COBL: variants seen among roughly 807,000 people sequenced by gnomAD.
COBL encodes the protein protein cordon-bleu.
Under a neutral mutation model 98.8 loss-of-function variants are expected in COBL, and 51 were observed. The observed-to-expected ratio is 0.52, with a 90% confidence interval of 0.41 to 0.65. The LOEUF (loss-of-function observed/expected upper bound fraction) is 0.65, where lower values mean the gene tolerates loss of function less well. Ranked by LOEUF, COBL falls within the 30% of genes least tolerant of loss-of-function variation. The pLI, the probability that COBL is intolerant of heterozygous loss-of-function variation, is 0.00. For missense variants in COBL, 1,617 were observed against 1,617.5 expected, an observed-to-expected ratio of 1.00 and a Z score of 0.01; for synonymous variants, 634 against 651.7, an observed-to-expected ratio of 0.97 and a Z score of 0.41.
intron 1 of COBL, among the ~76,000 whole-genome samples, chr7:51,220,564 T>A (rs759877061): frequency 1.7e-4 from 26 of 152,214 alleles, no homozygotes; most frequent in Non-Finnish European, 3.4e-4. Flanking sequence ...TGTTTTCACC[T>A]TATTTCAGAC....
At chr7:51,155,679 C>T (rs761483562) in intron 5 of COBL, among the ~76,000 whole-genome samples, 1 of 147,644 alleles carries the variant, frequency 6.8e-6, no homozygotes, top group African/African-American at 2.5e-5. Context: ...ACTCCCCTAA[C>T]CATAAATGAA....
intron 5 of COBL, among the ~76,000 whole-genome samples, chr7:51,167,122 G>A (rs1303021258): frequency 6.6e-6 from 1 of 152,062 alleles, no homozygotes; most frequent in Non-Finnish European, 1.5e-5. Flanking sequence ...ACAAGAGAAA[G>A]ATATAAAGGG....
chr7:51,206,222 T>A (rs982611641), intron 2 of COBL, among the ~76,000 whole-genome samples: 2 of 152,152 alleles, frequency 1.3e-5, no homozygotes, highest in Admixed American at 6.5e-5. Context: ...CCAGGCACGG[T>A]GGTTCACACC....
intron 2 of COBL, among the ~76,000 whole-genome samples, chr7:51,203,950 C>T (rs190304958): frequency 4.1e-4 from 63 of 152,226 alleles, no homozygotes; most frequent in Admixed American, 9.8e-4. Flanking sequence ...ATATCCCTGA[C>T]GAACATGGAT....
intron 1 of COBL, among the ~76,000 whole-genome samples, chr7:51,263,772 C>A (rs1246417347): frequency 2.0e-5 from 3 of 152,190 alleles, no homozygotes; most frequent in Non-Finnish European, 2.9e-5. Context: ...GATTGTGCTG[C>A]TGATAATGAC....
chr7:51,281,093 T>C (rs1799781063), intron 1 of COBL, among the ~76,000 whole-genome samples: 1 of 152,152 alleles, frequency 6.6e-6, no homozygotes, highest in South Asian at 2.1e-4. Flanking sequence ...AATGAAAACT[T>C]AGTAAGTCTT....
At chr7:51,187,729 C>CCAGGG (rs1428975733) in intron 4 of COBL, among the ~76,000 whole-genome samples, 1 of 152,180 alleles carries the variant, frequency 6.6e-6, no homozygotes, top group African/African-American at 2.4e-5. Context: ...TCTGAACCAA[C>CCAGGG]CAGGGAATCA....
At chr7:51,188,899 T>C (rs1403876163) in intron 4 of COBL, among the ~76,000 whole-genome samples, 2 of 152,216 alleles carry the variant, frequency 1.3e-5, no homozygotes, top group Non-Finnish European at 2.9e-5. Context: ...TCAAGATACA[T>C]CCAAGTGGTA....
chr7:51,141,793 G>T (rs1799775964), intron 5 of COBL, among the ~76,000 whole-genome samples: 1 of 152,174 alleles, frequency 6.6e-6, no homozygotes, highest in Non-Finnish European at 1.5e-5. Flanking sequence ...ACTCCCTGGG[G>T]TCTGTTGGGC....
chr7:51,075,095 G>C (rs77670645), intron 7 of COBL, among the ~76,000 whole-genome samples: 6 of 152,120 alleles, frequency 3.9e-5, no homozygotes, highest in Non-Finnish European at 1.5e-5. Flanking sequence ...TTACTCATTT[G>C]TCAATCCCAT....
chr7:51,242,786 T>C (rs1242497708), intron 1 of COBL, among the ~76,000 whole-genome samples: 3 of 152,188 alleles, frequency 2.0e-5, no homozygotes, highest in African/African-American at 7.2e-5. Context: ...ACCCGACTCC[T>C]GGGTAGAAGA....
chr7:51,140,518 C>T (rs1799638638), intron 5 of COBL, among the ~76,000 whole-genome samples: 1 of 152,230 alleles, frequency 6.6e-6, no homozygotes, highest in Non-Finnish European at 1.5e-5. Flanking sequence ...TTTACACACA[C>T]ACAAACATTT....
intron 4 of COBL, among the ~76,000 whole-genome samples, 188 bp downstream of exon 4, chr7:51,190,662 C>T (rs1207791813): frequency 6.6e-6 from 1 of 152,184 alleles, no homozygotes; most frequent in East Asian, 1.9e-4. Context: ...GGAGGCACAG[C>T]TCAATCCAGA....
intron 1 of COBL, among the ~76,000 whole-genome samples, chr7:51,311,359 C>T (rs1803019820): frequency 6.6e-6 from 1 of 152,194 alleles, no homozygotes; most frequent in African/African-American, 2.4e-5. Context: ...GGCTCAGAAG[C>T]ACAGGGATGG....
In COBL at chr7:51,028,673, T is replaced by G; in HGVS notation, c.2423A>C (p.Gln808Pro). ...GGGCGATATTGGCTTGGGGTCTGCT[T>G]GGAGTCTGCTCTCTGGATTCTGCGT... ...TQTQNPESRLQADPKPISPQQ... is the reference protein window; with the variant it reads ...TQTQNPESRLPADPKPISPQQ... The change falls in exon 10 of 13, where the codon CAA (glutamine) becomes CCA (proline). Residue 808 changes from glutamine to proline, a missense_variant. Gln to Pro is a moderately conservative substitution (Grantham distance 76). Transcript: ENST00000265136. 6.2e-7 allele frequency: 1 copy of G among 1,612,954 alleles called. No individual in the cohort carries two copies. The highest frequency in any genetic ancestry group is 1.3e-5 in the African/African-American group (1 of 75,000).
chr7:51,295,209 C>T (rs1563137895), intron 1 of COBL, among the ~76,000 whole-genome samples: 2 of 150,390 alleles, frequency 1.3e-5, no homozygotes, highest in African/African-American at 2.5e-5. Flanking sequence ...TCGCTTGAAC[C>T]GGGGAGGCAG....
intron 6 of COBL, among the ~76,000 whole-genome samples, chr7:51,126,822 CA>C (rs1482451869): frequency 6.6e-6 from 1 of 152,192 alleles, no homozygotes; most frequent in Non-Finnish European, 1.5e-5. Context: ...TGTAGCAGAA[CA>C]TCATCCAAGT....
intron 6 of COBL, among the ~76,000 whole-genome samples, chr7:51,107,806 C>T (rs990345501): frequency 2.0e-5 from 3 of 152,150 alleles, no homozygotes; most frequent in Non-Finnish European, 4.4e-5. Context: ...GATGCCAAAG[C>T]AGCAGGGAAT....
At chr7:51,041,364 G>A (rs565022943) in intron 8 of COBL, among the ~76,000 whole-genome samples, 16 of 151,460 alleles carry the variant, frequency 1.1e-4, no homozygotes, top group African/African-American at 3.9e-4. Context: ...AGATTTGTGA[G>A]TTCATATGAA....
Sources: allele counts gnomAD v4.1 joint callset (sites outside exome capture counted in the v4.1 genomes callset), GRCh38; gene constraint gnomAD v4.1.1; transcripts MANE v1.5; gene names NCBI Gene and HGNC (gene_info 2026-07-23, HGNC 2026-07-21).